The following VCF2 variants were observed in gnomAD, a reference collection of about 807,000 sequenced individuals.
VCF2 encodes the protein protein VCF2.
At chrX:55,155,941 CTT>C in the VCF2 span, among the ~76,000 whole-genome samples, 5 of 50,503 alleles carry the variant, frequency 9.9e-5, no homozygotes, top group Admixed American at 2.3e-4. Context: ...TCTTCTTCTT[CTT>C]TTTTTTTTTT....
chrX:55,146,988 G>A, the VCF2 span, among the ~76,000 whole-genome samples: 1 of 111,459 alleles, frequency 9.0e-6, no homozygotes, highest in African/African-American at 3.3e-5. Flanking sequence ...ATTTAATAGG[G>A]TGTGTATTTT....
chrX:55,146,391 T>TA, the VCF2 span: 3 of 860,429 alleles, frequency 3.5e-6, no homozygotes, highest in Non-Finnish European at 1.7e-6. Flanking sequence ...AATAGCAGCA[T>TA]AAAACTCTAT....
the VCF2 span, among the ~76,000 whole-genome samples, chrX:55,158,346 T>G: frequency 8.9e-6 from 1 of 111,881 alleles, no homozygotes; most frequent in African/African-American, 3.3e-5. Flanking sequence ...TGAAGCACCT[T>G]GAAGTTAAAA....
At chrX:55,153,993 G>C in the VCF2 span, among the ~76,000 whole-genome samples, 1 of 112,300 alleles carries the variant, frequency 8.9e-6, no homozygotes, top group African/African-American at 3.2e-5. Context: ...TTGTGAATCT[G>C]TTTCATGTGA....
chrX:55,156,851 G>T, the VCF2 span, among the ~76,000 whole-genome samples: 2 of 111,755 alleles, frequency 1.8e-5, no homozygotes, highest in African/African-American at 6.5e-5. Context: ...AGACTGATAG[G>T]TAATCCTCAC....
At chrX:55,145,503 G>A in the VCF2 span, 29 of 752,756 alleles carry the variant, frequency 3.9e-5, no homozygotes, top group Non-Finnish European at 4.5e-5. Flanking sequence ...TCTAAACTGG[G>A]TCTGATTGTT....
At chrX:55,151,432 A>G in the VCF2 span, among the ~76,000 whole-genome samples, 3 of 112,733 alleles carry the variant, frequency 2.7e-5, no homozygotes, top group African/African-American at 9.7e-5. Context: ...AATTTACCCA[A>G]TTAATGTGGG....
At chrX:55,151,438 G>A in the VCF2 span, among the ~76,000 whole-genome samples, 13 of 112,729 alleles carry the variant, frequency 1.2e-4, no homozygotes, top group Non-Finnish European at 2.2e-4. Context: ...CCCAATTAAT[G>A]TGGGTATTTA....
the VCF2 span, among the ~76,000 whole-genome samples, chrX:55,158,438 A>T: frequency 8.9e-6 from 1 of 111,964 alleles, no homozygotes; most frequent in Non-Finnish European, 1.9e-5. Flanking sequence ...AGGGGTATAA[A>T]ATACAGTTAG....
chrX:55,149,911 AATCT>A, the VCF2 span, among the ~76,000 whole-genome samples: 15 of 111,959 alleles, frequency 1.3e-4, no homozygotes, highest in Admixed American at 1.1e-3. Context: ...CTTTCTTTGA[AATCT>A]ATCACTCAGC....
chrX:55,147,634 GTTTTTTTTTTT>G, the VCF2 span, among the ~76,000 whole-genome samples: 1 of 54,091 alleles, frequency 1.8e-5, no homozygotes, highest in East Asian at 6.9e-4. Context: ...GGCTTTCCTT[GTTTTTTTTTTT>G]TTTTTTTTTT....
chrX:55,143,834 A>C, the VCF2 span: 1 of 1,206,322 alleles, frequency 8.3e-7, no homozygotes, highest in Non-Finnish European at 1.1e-6. Context: ...TTCAGGACCA[A>C]AGGACATAAA....
chrX:55,157,215 C>T, the VCF2 span, among the ~76,000 whole-genome samples: 5 of 112,386 alleles, frequency 4.4e-5, no homozygotes, highest in Non-Finnish European at 9.4e-5. Context: ...CTACTAAGAA[C>T]CTAAGAGAAA....
At chrX:55,149,174 G>GTT in the VCF2 span, among the ~76,000 whole-genome samples, 2 of 90,189 alleles carry the variant, frequency 2.2e-5, no homozygotes, top group Admixed American at 2.4e-4. Flanking sequence ...ACTGCAGGAG[G>GTT]TTTTTTTTTT....
chrX:55,156,859 C>T, the VCF2 span, among the ~76,000 whole-genome samples: 1 of 111,939 alleles, frequency 8.9e-6, no homozygotes, highest in Non-Finnish European at 1.9e-5. Flanking sequence ...AGGTAATCCT[C>T]ACCTGCAGAA....
the VCF2 span, among the ~76,000 whole-genome samples, chrX:55,155,414 T>C: frequency 1.8e-5 from 2 of 111,498 alleles, no homozygotes; most frequent in Non-Finnish European, 3.8e-5. Flanking sequence ...ATGGTGGAAA[T>C]GTAAAGAAAG....
the VCF2 span, among the ~76,000 whole-genome samples, chrX:55,149,764 T>C: frequency 1.8e-5 from 2 of 112,256 alleles, no homozygotes; most frequent in East Asian, 5.5e-4. Context: ...TTATATCTTA[T>C]GGTCAAGATG....
the VCF2 span, among the ~76,000 whole-genome samples, chrX:55,157,518 G>GT: frequency 4.5e-5 from 5 of 112,206 alleles, no homozygotes; most frequent in Non-Finnish European, 7.5e-5. Flanking sequence ...GGGTGACCCA[G>GT]TGAGACTGTC....
the VCF2 span, among the ~76,000 whole-genome samples, chrX:55,160,059 G>T: frequency 4.5e-5 from 5 of 112,029 alleles, no homozygotes; most frequent in Admixed American, 4.7e-4. Context: ...CTAGGAGACT[G>T]AGTACTGAGT....
Sources: gnomAD v4.1 joint callset for allele counts (sites outside exome capture counted in the v4.1 genomes callset) on GRCh38, gnomAD v4.1.1 for gene constraint, MANE v1.5 for transcripts, NCBI Gene and HGNC (gene_info 2026-07-23, HGNC 2026-07-21) for gene names.